PDE8A: variants seen among roughly 807,000 people sequenced by gnomAD.
PDE8A encodes phosphodiesterase 8A.
In PDE8A, 59 loss-of-function variants were observed where a neutral mutation model predicts 105.0. The observed-to-expected ratio is 0.56, with a 90% CI of 0.46 to 0.70. PDE8A has a LOEUF of 0.70. Ranked by LOEUF, PDE8A falls within the 30% of genes least tolerant of loss-of-function variation. PDE8A has a pLI of 0.00. For synonymous variants in PDE8A, 355 were observed against 371.9 expected, an observed-to-expected ratio of 0.95 and a Z score of 0.52; for missense variants, 1,014 against 1,045.9, an observed-to-expected ratio of 0.97 and a Z score of 0.42.
chr15:85,010,367 CT>C (rs1185582601), intron 1 of PDE8A, among the ~76,000 whole-genome samples: 1 of 152,222 alleles, frequency 6.6e-6, no homozygotes, highest in Non-Finnish European at 1.5e-5. Flanking sequence ...TTAGCATGTG[CT>C]TTAGCCTCAG....
At chr15:85,020,817 C>A (rs2080413087) in intron 1 of PDE8A, among the ~76,000 whole-genome samples, 1 of 152,080 alleles carries the variant, frequency 6.6e-6, no homozygotes, top group African/African-American at 2.4e-5. Flanking sequence ...ATACCCGATG[C>A]CCCTTTACAT....
At chr15:85,012,561 G>C (rs1259037270) in intron 1 of PDE8A, among the ~76,000 whole-genome samples, 1 of 141,492 alleles carries the variant, frequency 7.1e-6, no homozygotes, top group Non-Finnish European at 1.5e-5. Context: ...GTTGGGGGGA[G>C]GGGGGAGGGA....
intron 1 of PDE8A, among the ~76,000 whole-genome samples, chr15:85,042,317 G>A (rs1347813263): frequency 6.6e-6 from 1 of 151,988 alleles, no homozygotes; most frequent in African/African-American, 2.4e-5. Flanking sequence ...TTAGACTACA[G>A]GTATGTACCA....
At chr15:84,982,439 A>C in intron 1 of PDE8A, 91 bp downstream of exon 1, 1 of 785,928 alleles carries the variant, frequency 1.3e-6, no homozygotes, top group Non-Finnish European at 1.8e-6. Context: ...GGTCCCCCCC[A>C]CCCGGCCTCG....
intron 8 of PDE8A, among the ~76,000 whole-genome samples, chr15:85,095,058 A>G (rs897139244): frequency 2.0e-5 from 3 of 152,074 alleles, no homozygotes; most frequent in African/African-American, 7.2e-5. Context: ...TGGCTGGATG[A>G]TGATGATTTA....
intron 1 of PDE8A, among the ~76,000 whole-genome samples, chr15:85,056,638 A>T (rs958672091): frequency 6.6e-6 from 1 of 152,052 alleles, no homozygotes; most frequent in South Asian, 2.1e-4. Flanking sequence ...CATAGTTCTC[A>T]TGTCATGGTT....
chr15:85,098,061 A>G (rs1347037570), intron 9 of PDE8A, 25 bp downstream of exon 9: 1 of 1,282,998 alleles, frequency 7.8e-7, no homozygotes, highest in Admixed American at 1.7e-5. Context: ...CAAGTACATC[A>G]ATCAACATAC....
chr15:85,019,740 T>C (rs2080389550), intron 1 of PDE8A, among the ~76,000 whole-genome samples: 1 of 151,796 alleles, frequency 6.6e-6, no homozygotes, highest in Non-Finnish European at 1.5e-5. Flanking sequence ...CCACCACACC[T>C]GGCTAATTTT....
chr15:85,038,895 G>A (rs2141389554), intron 1 of PDE8A, among the ~76,000 whole-genome samples: 1 of 152,336 alleles, frequency 6.6e-6, no homozygotes, highest in East Asian at 1.9e-4. Flanking sequence ...ACTGAGGCAG[G>A]CAGATCACCT....
At chr15:85,031,986 C>T (rs1210137507) in intron 1 of PDE8A, among the ~76,000 whole-genome samples, 1 of 152,162 alleles carries the variant, frequency 6.6e-6, no homozygotes, top group East Asian at 1.9e-4. Context: ...TGGCACACAC[C>T]AGTGCTTTGT....
intron 1 of PDE8A, among the ~76,000 whole-genome samples, chr15:84,982,637 G>GTGAA (rs2079736145): frequency 6.6e-6 from 1 of 152,198 alleles, no homozygotes; most frequent in Non-Finnish European, 1.5e-5. Context: ...GGGGCCCGAT[G>GTGAA]TGAAGTTGAC....
rs867690890 is a variant in PDE8A at position 85,090,013 on chromosome 15, C to T, written c.714+597C>T. Among the ~76,000 whole-genome samples, 115 of 152,214 alleles carry T rather than the reference C, an allele frequency of 7.6e-4. 2 individuals carry two copies. Among genetic ancestry groups the T allele is most frequent in the African/African-American group, 2.7e-3 (113 of 41,442 alleles). ...ATTCATTTTGTCTGAGAATTAGCTC[C>T]ACTTTGGAGCTCTCCAGTCTTTCTT... On this transcript the variant is annotated intron_variant, in intron 7 of 21. Coordinates refer to ENST00000394553, the MANE Select transcript of PDE8A (RefSeq NM_002605.3).
chr15:85,000,352 C>T (rs545470960), intron 1 of PDE8A, among the ~76,000 whole-genome samples: 2 of 152,190 alleles, frequency 1.3e-5, no homozygotes, highest in African/African-American at 4.8e-5. Flanking sequence ...GGTTTTCTGG[C>T]CTGTAAACCA....
chr15:85,096,032 C>T (rs1183812932), intron 8 of PDE8A, among the ~76,000 whole-genome samples: 1 of 151,856 alleles, frequency 6.6e-6, no homozygotes, highest in Non-Finnish European at 1.5e-5. Flanking sequence ...CATGCCACTA[C>T]ACCCAGCTAA....
chr15:85,120,018 C>T (rs1044875304), intron 17 of PDE8A, among the ~76,000 whole-genome samples: 3 of 150,336 alleles, frequency 2.0e-5, no homozygotes, highest in African/African-American at 7.3e-5. Flanking sequence ...GATATAAAGA[C>T]ACAAAAATAT....
chr15:85,093,836 T>C (rs1483245020), intron 8 of PDE8A, among the ~76,000 whole-genome samples: 1 of 151,864 alleles, frequency 6.6e-6, no homozygotes, highest in Non-Finnish European at 1.5e-5. Context: ...ACCTAAACTT[T>C]ATATTGTCAA....
At chr15:85,112,377 T>G (rs1376126932) in intron 12 of PDE8A, among the ~76,000 whole-genome samples, 3 of 152,260 alleles carry the variant, frequency 2.0e-5, no homozygotes, top group African/African-American at 7.2e-5. Context: ...TGTTGTACAA[T>G]AGATCTCTGT....
At chr15:85,111,644 T>G (rs1460106140) in intron 12 of PDE8A, among the ~76,000 whole-genome samples, 2 of 152,228 alleles carry the variant, frequency 1.3e-5, no homozygotes, top group Non-Finnish European at 2.9e-5. Context: ...GCTGTTCTTC[T>G]TCAGTGCCTT....
chr15:85,020,666 T>A (rs188770143), intron 1 of PDE8A, among the ~76,000 whole-genome samples: 2 of 152,250 alleles, frequency 1.3e-5, no homozygotes, highest in Non-Finnish European at 2.9e-5. Flanking sequence ...AGAGAAAATT[T>A]ACCAAAAAAA....
Sources: gnomAD v4.1 joint callset for allele counts (sites outside exome capture counted in the v4.1 genomes callset) on GRCh38, gnomAD v4.1.1 for gene constraint, MANE v1.5 for transcripts, NCBI Gene and HGNC (gene_info 2026-07-23, HGNC 2026-07-21) for gene names.